CADM2: variants seen among roughly 807,000 people sequenced by gnomAD.
The protein encoded by CADM2 is cell adhesion molecule 2.
CADM2 carries 12 observed loss-of-function variants against 49.8 expected under a neutral mutation model. That is an observed-to-expected ratio of 0.24 (90% CI 0.15 to 0.39). The LOEUF (loss-of-function observed/expected upper bound fraction) is 0.39. CADM2 is among the 10% of genes least tolerant of loss of function. The pLI, the probability that CADM2 is intolerant of heterozygous loss-of-function variation, is 1.00. For missense variants in CADM2, 378 were observed against 492.3 expected (o/e 0.77, Z 2.20); for synonymous variants, 214 against 175.4 (o/e 1.22, Z -1.74).
intron 3 of CADM2, among the ~76,000 whole-genome samples, chr3:85,869,397 G>A (rs1304280188): frequency 6.6e-6 from 1 of 151,998 alleles, no homozygotes; most frequent in African/African-American, 2.4e-5. Context: ...GATGTGTGAT[G>A]ACAGGAGACA....
chr3:85,344,021 A>T (rs1331139470), intron 1 of CADM2, among the ~76,000 whole-genome samples: 5 of 152,208 alleles, frequency 3.3e-5, no homozygotes, highest in African/African-American at 1.2e-4. Context: ...TCATGGTTAG[A>T]CTAGGAGTTA....
intron 1 of CADM2, among the ~76,000 whole-genome samples, chr3:85,599,489 T>G (rs2063336171): frequency 6.6e-6 from 1 of 151,866 alleles, no homozygotes; most frequent in Non-Finnish European, 1.5e-5. Flanking sequence ...GTTTCTGCAT[T>G]CTTTCTGTCA....
intron 1 of CADM2, among the ~76,000 whole-genome samples, chr3:85,686,958 CTG>C (rs2066235821): frequency 1.3e-5 from 2 of 152,174 alleles, no homozygotes; most frequent in Non-Finnish European, 1.5e-5. Flanking sequence ...TAAAACCAAA[CTG>C]TGCTCTGACC....
intron 1 of CADM2, among the ~76,000 whole-genome samples, chr3:85,083,441 G>A (rs140334614): frequency 8.5e-5 from 13 of 152,090 alleles, no homozygotes; most frequent in African/African-American, 2.7e-4. Flanking sequence ...CTAAACTTTG[G>A]TAAAGATTGT....
intron 1 of CADM2, among the ~76,000 whole-genome samples, chr3:85,293,687 C>T (rs1438595192): frequency 3.2e-4 from 46 of 144,576 alleles, no homozygotes; most frequent in Non-Finnish European, 1.7e-4. Context: ...AAGACAAAAA[C>T]CACATGATTA....
chr3:85,311,486 T>C (rs1370636634), intron 1 of CADM2, among the ~76,000 whole-genome samples: 2 of 151,850 alleles, frequency 1.3e-5, no homozygotes, highest in Non-Finnish European at 2.9e-5. Context: ...TGCCATTCTC[T>C]TGCCCCAGCC....
intron 1 of CADM2, among the ~76,000 whole-genome samples, chr3:85,629,428 A>G (rs1645146377): frequency 6.6e-6 from 1 of 151,876 alleles, no homozygotes; most frequent in Non-Finnish European, 1.5e-5. Context: ...TATCTAATCA[A>G]TAATACTGAG....
intron 3 of CADM2, among the ~76,000 whole-genome samples, chr3:85,851,651 T>C (rs1033301105): frequency 4.0e-5 from 6 of 149,614 alleles, no homozygotes; most frequent in African/African-American, 1.5e-4. Context: ...CTAGATACTA[T>C]AGTGTGTATG....
At chr3:85,578,040 C>T (rs1035101100) in intron 1 of CADM2, among the ~76,000 whole-genome samples, 1 of 149,862 alleles carries the variant, frequency 6.7e-6, no homozygotes, top group Non-Finnish European at 1.5e-5. Context: ...TTCTTCCCCC[C>T]CTTTCTTTCT....
At chr3:85,413,161 A>AAAAAAAAAAAATAAT (rs1553720239) in intron 1 of CADM2, among the ~76,000 whole-genome samples, 2 of 108,526 alleles carry the variant, frequency 1.8e-5, no homozygotes, top group African/African-American at 8.1e-5. Context: ...AAAAAAAAAA[A>AAAAAAAAAAAATAAT]AATAATAATA....
chr3:85,756,460 A>C (rs2069127499), intron 2 of CADM2, among the ~76,000 whole-genome samples: 1 of 152,180 alleles, frequency 6.6e-6, no homozygotes, highest in Non-Finnish European at 1.5e-5. Flanking sequence ...TGCATATTGA[A>C]TACACATATA....
chr3:86,051,954 T>C (rs1374411202), intron 8 of CADM2, among the ~76,000 whole-genome samples: 3 of 147,276 alleles, frequency 2.0e-5, no homozygotes, highest in Non-Finnish European at 4.6e-5. Context: ...ATCTAAATCA[T>C]ATCAGTGACT....
intron 1 of CADM2, among the ~76,000 whole-genome samples, chr3:85,286,637 A>T (rs894766956): frequency 6.6e-6 from 1 of 152,166 alleles, no homozygotes; most frequent in African/African-American, 2.4e-5. Context: ...GATATAATTG[A>T]CCCAAACATT....
At chr3:85,007,448 G>A (rs1282766555) in intron 1 of CADM2, among the ~76,000 whole-genome samples, 2 of 152,148 alleles carry the variant, frequency 1.3e-5, no homozygotes, top group Non-Finnish European at 2.9e-5. Context: ...GGCCACCCAT[G>A]TGCCAATGTC....
At chr3:85,056,985 T>G (rs1172318676) in intron 1 of CADM2, among the ~76,000 whole-genome samples, 3 of 152,108 alleles carry the variant, frequency 2.0e-5, no homozygotes, top group African/African-American at 7.2e-5. Flanking sequence ...TCCTCAGCCA[T>G]CAAGTTTTTG....
chr3:85,801,374 G>T (rs1004394208), intron 2 of CADM2, among the ~76,000 whole-genome samples: 1 of 151,952 alleles, frequency 6.6e-6, no homozygotes, highest in Non-Finnish European at 1.5e-5. Context: ...GGAGAAAATC[G>T]AGAAACTACA....
intron 1 of CADM2, among the ~76,000 whole-genome samples, chr3:85,056,215 C>T (rs1453774907): frequency 6.6e-6 from 1 of 152,054 alleles, no homozygotes; most frequent in East Asian, 1.9e-4. Context: ...ACAGTGTCAT[C>T]TGTTAAAGAA....
chr3:85,981,723 A>G (rs901937681), intron 8 of CADM2, among the ~76,000 whole-genome samples: 1 of 151,728 alleles, frequency 6.6e-6, no homozygotes, highest in Non-Finnish European at 1.5e-5. Context: ...TTTCTAATGC[A>G]TATGTACCAC....
At chr3:85,380,151 A>G (rs1180453140) in intron 1 of CADM2, among the ~76,000 whole-genome samples, 1 of 152,012 alleles carries the variant, frequency 6.6e-6, no homozygotes, top group Non-Finnish European at 1.5e-5. Context: ...TACACCTTTC[A>G]GCAGTATTCA....
Sources: gnomAD v4.1 joint callset for allele counts (sites outside exome capture counted in the v4.1 genomes callset) on GRCh38, gnomAD v4.1.1 for gene constraint, MANE v1.5 for transcripts, NCBI Gene and HGNC (gene_info 2026-07-23, HGNC 2026-07-21) for gene names.